EPS15: variants seen among roughly 807,000 people sequenced by gnomAD.
The protein encoded by EPS15 is epidermal growth factor receptor pathway substrate 15.
EPS15 carries 72 observed loss-of-function variants against 113.8 expected under a neutral mutation model. The ratio of observed to expected loss-of-function variants is 0.63; its 90% CI spans 0.52 to 0.77. The LOEUF is 0.77. Among genes scored for constraint, EPS15 ranks in the 30% least tolerant of loss-of-function variants. EPS15 has a pLI of 0.00. For synonymous variants in EPS15, 344 were observed against 363.4 expected (o/e 0.95, Z 0.61); for missense variants, 1,048 against 1,045.8 (o/e 1.00, Z -0.03).
rs186557166 is a variant in EPS15, at chr1:51,381,449, C to T, written c.2119+12932G>A. ...CTCTACTAAAAATACAAAAATGACACGGGCGTGGTGGTGGGCGCCTATAGT... is the reference window on the plus strand; with the variant it reads ...CTCTACTAAAAATACAAAAATGACATGGGCGTGGTGGTGGGCGCCTATAGT... On this transcript the variant is annotated intron_variant, in intron 21 of 24. Coordinates refer to ENST00000371733, the MANE Select transcript of EPS15 (RefSeq NM_001981.3). Among the ~76,000 whole-genome samples, 180 of 152,068 alleles carry T rather than the reference C, an allele frequency of 1.2e-3. 5 individuals are homozygous for T. Among genetic ancestry groups the T allele is most frequent in the South Asian group, 4.2e-4 (2 of 4,812 alleles).
Position 51,421,831 on chromosome 1 carries a change from A to G in EPS15, c.1068T>C (p.Leu356=). ...GTTTAATAGTATCTTCCTTCTCCTT[A>G]AGGTCCTGTTCCACATTATTCTTTT... is the stretch of plus-strand genomic sequence containing the variant. ...QREKNNVEQD[L]KEKEDTIKQR... is the part of the protein sequence containing the mutation. The change falls in exon 13 of 25, where the codon CTT becomes CTC. Residue 356 remains leucine, a synonymous_variant. Transcript: ENST00000371733. 1.2e-6 allele frequency: 2 copies of G among 1,609,616 alleles called. No homozygotes were observed. The highest frequency in any genetic ancestry group is 1.1e-5 in the South Asian group (1 of 90,190).
intron 18 of EPS15, chr1:51,401,202 A>C: frequency 2.9e-6 from 1 of 342,408 alleles, no homozygotes; most frequent in Non-Finnish European, 5.3e-6. Flanking sequence ...CAAAATCTCT[A>C]CTCTCCACAA....
chr1:51,415,112 C>T (rs1650083088), intron 13 of EPS15, among the ~76,000 whole-genome samples: 1 of 151,894 alleles, frequency 6.6e-6, no homozygotes, highest in South Asian at 2.1e-4. Context: ...GTAAGAACTA[C>T]CAATAATAGA....
chr1:51,472,333 T>C (rs996753734), intron 3 of EPS15, among the ~76,000 whole-genome samples: 6 of 152,240 alleles, frequency 3.9e-5, no homozygotes, highest in African/African-American at 1.4e-4. Context: ...CCTTAAGATA[T>C]TCTTTTCTAT....
intron 12 of EPS15, among the ~76,000 whole-genome samples, chr1:51,435,285 C>G (rs1652060970): frequency 6.6e-6 from 1 of 151,728 alleles, no homozygotes; most frequent in Non-Finnish European, 1.5e-5. Flanking sequence ...CTTCTGCCAC[C>G]CAGGTTCAAG....
intron 2 of EPS15, among the ~76,000 whole-genome samples, chr1:51,478,195 TTAC>T (rs1329283466): frequency 6.6e-6 from 1 of 152,200 alleles, no homozygotes; most frequent in African/African-American, 2.4e-5. Flanking sequence ...ATTGATCCCT[TTAC>T]CATTATGTAA....
intron 12 of EPS15, among the ~76,000 whole-genome samples, chr1:51,430,595 G>A (rs1001980998): frequency 1.3e-5 from 2 of 151,098 alleles, no homozygotes; most frequent in Non-Finnish European, 2.9e-5. Flanking sequence ...TCAAGAATTC[G>A]TAGTTCACAA....
intron 1 of EPS15, among the ~76,000 whole-genome samples, chr1:51,487,747 T>C (rs1344357013): frequency 6.6e-6 from 1 of 152,210 alleles, no homozygotes; most frequent in Non-Finnish European, 1.5e-5. Context: ...GAGAAGATAT[T>C]AGCTCACCAA....
intron 18 of EPS15, among the ~76,000 whole-genome samples, chr1:51,402,165 TAC>T (rs1449884114): frequency 6.6e-6 from 1 of 151,224 alleles, no homozygotes; most frequent in Non-Finnish European, 1.5e-5. Flanking sequence ...AATAAATAAA[TAC>T]ACACATACAT....
At chr1:51,364,081 G>C in intron 22 of EPS15, 53 bp from the exon 23 acceptor site, 1 of 1,326,490 alleles carries the variant, frequency 7.5e-7, no homozygotes, top group Non-Finnish European at 1.0e-6. Flanking sequence ...AATTGTGGTA[G>C]TCATGTAGCA....
At chr1:51,408,413 AT>A (rs1166298712) in intron 14 of EPS15, 81 bp from the exon 15 acceptor site, 1 of 1,028,206 alleles carries the variant, frequency 9.7e-7, no homozygotes, top group African/African-American at 1.6e-5. Flanking sequence ...CAATACATTT[AT>A]TTGTTTAGTT....
At chr1:51,510,799 T>C (rs1644605435) in intron 1 of EPS15, among the ~76,000 whole-genome samples, 1 of 152,240 alleles carries the variant, frequency 6.6e-6, no homozygotes, top group African/African-American at 2.4e-5. Context: ...AGAATAAAAA[T>C]ATGAAGATAA....
At chr1:51,499,412 G>A (rs183513781) in intron 1 of EPS15, among the ~76,000 whole-genome samples, 34 of 151,840 alleles carry the variant, frequency 2.2e-4, no homozygotes, top group African/African-American at 7.7e-4. Context: ...TTTAATTCTT[G>A]TGAATAATGC....
chr1:51,416,001 A>G (rs915197657), intron 13 of EPS15, among the ~76,000 whole-genome samples: 1 of 152,012 alleles, frequency 6.6e-6, no homozygotes, highest in Non-Finnish European at 1.5e-5. Context: ...TTCAATATCA[A>G]TATCAGCATC....
In EPS15 at chr1:51,365,266, C is replaced by G. The variant is rs186256594; in HGVS notation, c.2196+687G>C. Among the ~76,000 whole-genome samples the G allele has an allele frequency of 9.8e-4, 149 of 152,280 alleles. 1 individual carries two copies. Among genetic ancestry groups the G allele is most frequent in the African/African-American group, 3.6e-3 (148 of 41,576 alleles). The stretch of plus-strand genomic sequence containing the variant: ...CTCAACATTGACATTTCAGGCTGGA[C>G]GTAATTGCATATTGTGGGGGGCTAG... On this transcript the variant is annotated intron_variant, in intron 22 of 24. Coordinates refer to ENST00000371733, the MANE Select transcript of EPS15 (RefSeq NM_001981.3).
At chr1:51,379,343 C>T (rs2148377418) in intron 21 of EPS15, among the ~76,000 whole-genome samples, 1 of 152,210 alleles carries the variant, frequency 6.6e-6, no homozygotes, top group East Asian at 1.9e-4. Flanking sequence ...TAGTCTCGAA[C>T]TCCTGACCTC....
chr1:51,469,804 T>C (rs943389373), intron 4 of EPS15, among the ~76,000 whole-genome samples: 7 of 152,030 alleles, frequency 4.6e-5, no homozygotes, highest in South Asian at 4.1e-4. Context: ...TCAACTCCCA[T>C]GATTAGCTAG....
intron 12 of EPS15, chr1:51,422,075 G>A: frequency 8.3e-7 from 1 of 1,212,024 alleles, no homozygotes; most frequent in East Asian, 3.1e-5. Flanking sequence ...TCACTAAAAT[G>A]TGGTGAAAAG....
At chr1:51,420,668 T>C (rs1051815994) in intron 13 of EPS15, among the ~76,000 whole-genome samples, 4 of 152,176 alleles carry the variant, frequency 2.6e-5, no homozygotes, top group Non-Finnish European at 5.9e-5. Context: ...GAGAATTATA[T>C]TGATGATGAT....
Sources: gnomAD v4.1 joint callset for allele counts (sites outside exome capture counted in the v4.1 genomes callset) on GRCh38, gnomAD v4.1.1 for gene constraint, MANE v1.5 for transcripts, NCBI Gene and HGNC (gene_info 2026-07-23, HGNC 2026-07-21) for gene names.